Variants in CYP39A1 observed in about 807,000 individuals in gnomAD.
CYP39A1 encodes 24-hydroxycholesterol 7-alpha-hydroxylase.
Under a neutral mutation model 58.1 loss-of-function variants are expected in CYP39A1, and 49 were observed. The observed-to-expected ratio is 0.84, with a 90% CI of 0.67 to 1.07. CYP39A1 has a LOEUF of 1.07. CYP39A1 is among the 50% of genes least tolerant of loss of function. CYP39A1 has a pLI of 0.00. For missense variants in CYP39A1, 531 were observed against 539.4 expected, an observed-to-expected ratio of 0.98 and a Z score of 0.16; for synonymous variants, 209 against 187.6, an observed-to-expected ratio of 1.11 and a Z score of -0.93.
At chr6:46,551,925 T>A (rs1443622478) in intron 11 of CYP39A1, among the ~76,000 whole-genome samples, 1 of 152,214 alleles carries the variant, frequency 6.6e-6, no homozygotes, top group African/African-American at 2.4e-5. Flanking sequence ...TAAAATGCTC[T>A]TTGAGATCAT....
intron 7 of CYP39A1, among the ~76,000 whole-genome samples, chr6:46,622,972 C>T (rs548564361): frequency 9.5e-4 from 144 of 152,192 alleles, no homozygotes; most frequent in African/African-American, 3.3e-3. Context: ...GTAGTTTTTA[C>T]CCTGAGATTT....
chr6:46,571,271 T>C (rs79115738), intron 10 of CYP39A1, among the ~76,000 whole-genome samples: 2 of 152,124 alleles, frequency 1.3e-5, no homozygotes, highest in African/African-American at 4.8e-5. Context: ...GTCCCATGTT[T>C]CCTTATTGAT....
intron 9 of CYP39A1, 74 bp downstream of exon 9, chr6:46,587,960 T>C: frequency 1.1e-6 from 1 of 885,572 alleles, no homozygotes; most frequent in African/African-American, 1.8e-5. Flanking sequence ...TCCTAATTAA[T>C]TTCTGAATTT....
rs1298702090 is a variant in CYP39A1, at chr6:46,588,052, C to A, written c.1143G>T (p.Glu381Asp). Residue 381 changes from glutamate (E) to aspartate (D), a missense_variant, in exon 9 of 12, where the codon GAG (glutamate) becomes GAT (aspartate). Transcript: ENST00000275016. The part of the protein sequence containing the change: ...WLHRNPKYFP[E>D]PELFKPERWK... ...AACTTACAGGTTTGAACAATTCAGG[C>A]TCAGGAAAATACTTTGGATTTCTAT... The A allele has an allele frequency of 1.3e-6, 2 of 1,579,996 alleles. No individual in the cohort carries two copies. The highest frequency in any genetic ancestry group is 1.7e-6 in the Non-Finnish European group (2 of 1,160,064).
At chr6:46,553,719 G>A (rs1380668560) in intron 11 of CYP39A1, 48 bp downstream of exon 11, 1 of 1,286,524 alleles carries the variant, frequency 7.8e-7, no homozygotes, top group Admixed American at 1.7e-5. Flanking sequence ...GGGTGGTTAT[G>A]TCATATTTAT....
intron 1 of CYP39A1, among the ~76,000 whole-genome samples, chr6:46,648,438 C>T (rs1762462372): frequency 6.8e-6 from 1 of 146,002 alleles, no homozygotes; most frequent in South Asian, 2.1e-4. Flanking sequence ...CACATGTTCT[C>T]ACTCATAGGC....
intron 6 of CYP39A1, among the ~76,000 whole-genome samples, chr6:46,628,709 C>A (rs1775471424): frequency 6.6e-6 from 1 of 152,062 alleles, no homozygotes; most frequent in Admixed American, 6.6e-5. Flanking sequence ...CCACCTACAC[C>A]TCTGGTAGGG....
intron 10 of CYP39A1, among the ~76,000 whole-genome samples, chr6:46,584,919 T>G (rs999091214): frequency 1.3e-5 from 2 of 152,162 alleles, no homozygotes; most frequent in African/African-American, 4.8e-5. Context: ...ATTAATTGAA[T>G]GTCCACTTTG....
chr6:46,642,316 T>C lies in CYP39A1; in HGVS notation c.178-18A>G. The C allele has an allele frequency of 6.2e-7, 1 of 1,603,798 alleles. No individual in the cohort carries two copies. Among genetic ancestry groups the C allele is most frequent in the Non-Finnish European group, 8.5e-7 (1 of 1,174,924 alleles). The stretch of plus-strand genomic sequence containing the variant: ...GGTCCATACTGAAATAAAACAAACA[T>C]AGATTATATTAGTAAGCATTCCTAA... On this transcript the variant is annotated intron_variant, in intron 1 of 11. Coordinates refer to ENST00000275016, the MANE Select transcript of CYP39A1 (RefSeq NM_016593.5).
chr6:46,550,447 G>T lies in CYP39A1; in HGVS notation c.1339-10C>A, dbSNP rs780384194. 4.4e-6 allele frequency: 7 copies of T among 1,607,320 alleles called. No homozygotes were observed. In the Admixed American group the frequency reaches 1.2e-4, roughly 27 times the overall value. On this transcript the variant is annotated splice_polypyrimidine_tract_variant and intron_variant, in intron 11 of 11. Transcript: ENST00000275016. ...CCAAATGGAGATAACTCTAAAAACAGAAATGCAGAAGAAATAGAAATTAAG... is the reference window on the plus strand; with the variant it reads ...CCAAATGGAGATAACTCTAAAAACATAAATGCAGAAGAAATAGAAATTAAG...
chr6:46,652,482 C>A lies in CYP39A1; in HGVS notation c.101G>T (p.Gly34Val), dbSNP rs1762760605. ...TCCAACTCCAATCCAAGGAATCCAG[C>A]CCTTGATGCACGGGGGTCTACGCAA... The part of the protein sequence containing the change: ...KNLRRPPCIK[G>V]WIPWIGVGFE... Residue 34 changes from glycine to valine, a missense_variant, in exon 1 of 12, where the codon GGC (glycine) becomes GTC (valine). Coordinates refer to ENST00000275016, the MANE Select transcript of CYP39A1 (RefSeq NM_016593.5). 1.2e-6 allele frequency: 2 copies of A among 1,613,892 alleles called. No homozygotes were observed. The highest frequency in any genetic ancestry group is 1.7e-6 in the Non-Finnish European group (2 of 1,179,928).
intron 10 of CYP39A1, among the ~76,000 whole-genome samples, chr6:46,572,537 T>C (rs2150495374): frequency 6.6e-6 from 1 of 152,316 alleles, no homozygotes; most frequent in Admixed American, 6.5e-5. Context: ...TCCAAAATAG[T>C]TTTATAAAGG....
At chr6:46,583,476 G>A (rs951077322) in intron 10 of CYP39A1, 19 of 985,150 alleles carry the variant, frequency 1.9e-5, no homozygotes, top group African/African-American at 1.2e-4. Flanking sequence ...CATTTAAATC[G>A]TATAGTTTAA....
At chr6:46,598,522 T>A (rs906603707) in intron 7 of CYP39A1, among the ~76,000 whole-genome samples, 1 of 152,150 alleles carries the variant, frequency 6.6e-6, no homozygotes, top group Admixed American at 6.6e-5. Flanking sequence ...TACATTTTAC[T>A]TAGTTTACAT....
At chr6:46,618,996 C>T (rs1774791338) in intron 7 of CYP39A1, among the ~76,000 whole-genome samples, 1 of 152,090 alleles carries the variant, frequency 6.6e-6, no homozygotes, top group African/African-American at 2.4e-5. Context: ...CACTAGAAAC[C>T]ACTCTACAGT....
In CYP39A1 at chr6:46,588,969, TC is replaced by T. The variant is rs1341313446; in HGVS notation, c.1066-841del. Among the ~76,000 whole-genome samples the T allele has an allele frequency of 2.6e-5, 4 of 152,088 alleles. No individual in the cohort carries two copies. The East Asian group carries it at 7.7e-4, about 29-fold the overall frequency. ...TCAGGAATCACAGGACAAAGAGATC[TC>T]CCAAGTTTTATAATTGCTAGATAGC... On this transcript the variant is annotated intron_variant, in intron 8 of 11. Coordinates refer to ENST00000275016, the MANE Select transcript of CYP39A1 (RefSeq NM_016593.5).
At chr6:46,594,089 T>C (rs1262617005) in intron 8 of CYP39A1, among the ~76,000 whole-genome samples, 2 of 152,118 alleles carry the variant, frequency 1.3e-5, no homozygotes, top group Non-Finnish European at 2.9e-5. Flanking sequence ...GACCATTCAA[T>C]TCACCTGCCT....
chr6:46,603,015 A>G (rs1647650837), intron 7 of CYP39A1, among the ~76,000 whole-genome samples: 1 of 151,992 alleles, frequency 6.6e-6, no homozygotes, highest in African/African-American at 2.4e-5. Context: ...CCAGGATTTC[A>G]TAAATGGTTC....
In CYP39A1 at chr6:46,642,332, G is replaced by C. The variant is rs745617659; in HGVS notation, c.178-34C>G. 58 of 1,585,492 alleles carry C rather than the reference G, an allele frequency of 3.7e-5. No individual in the cohort carries two copies. The South Asian group carries it at 6.4e-4, about 18-fold the overall frequency. On this transcript the variant is annotated intron_variant, in intron 1 of 11. Transcript: ENST00000275016. ...AAACAAACATAGATTATATTAGTAA[G>C]CATTCCTAAGCCATGTTTAAGACCA...
Sources: allele counts gnomAD v4.1 joint callset (sites outside exome capture counted in the v4.1 genomes callset), GRCh38; gene constraint gnomAD v4.1.1; transcripts MANE v1.5; gene names NCBI Gene and HGNC (gene_info 2026-07-23, HGNC 2026-07-21).